The following DNAJC24 variants were observed in gnomAD, a reference collection of about 807,000 sequenced individuals.
The protein encoded by DNAJC24 is dnaJ homolog subfamily C member 24.
In DNAJC24, 17 loss-of-function variants were observed where a neutral mutation model predicts 18.0. The observed-to-expected ratio is 0.94, with a 90% CI of 0.65 to 1.42. DNAJC24 has a LOEUF of 1.42. Among genes scored for constraint, DNAJC24 ranks in the 40% most tolerant of loss-of-function variants. DNAJC24 has a pLI of 0.00. For synonymous variants in DNAJC24, 55 were observed against 57.7 expected (o/e 0.95, Z 0.21); for missense variants, 158 against 175.6 (o/e 0.90, Z 0.57).
intron 2 of DNAJC24, among the ~76,000 whole-genome samples, chr11:31,405,108 T>C (rs1339508673): frequency 1.3e-5 from 2 of 149,656 alleles, no homozygotes; most frequent in Non-Finnish European, 3.0e-5. Flanking sequence ...GTCTCCACTC[T>C]GTTGCTCAGG....
intron 2 of DNAJC24, among the ~76,000 whole-genome samples, chr11:31,376,637 G>C (rs946390960): frequency 6.6e-6 from 1 of 152,144 alleles, no homozygotes; most frequent in Admixed American, 6.5e-5. Context: ...ATTAGTAAGG[G>C]TTATGATCTA....
chr11:31,393,214 T>C (rs563365890), intron 2 of DNAJC24, among the ~76,000 whole-genome samples: 1 of 152,284 alleles, frequency 6.6e-6, no homozygotes, highest in South Asian at 2.1e-4. Context: ...ATAAGCTTCC[T>C]CTTGACTTCA....
At chr11:31,424,187 AGATT>A (rs372516059) in intron 3 of DNAJC24, among the ~76,000 whole-genome samples, 10 of 152,288 alleles carry the variant, frequency 6.6e-5, no homozygotes, top group African/African-American at 2.4e-4. Context: ...TGTTCAAGAT[AGATT>A]AGATTAAGAA....
At position 31,427,392 on chromosome 11, in the gene DNAJC24, G is replaced by A. The variant is rs1471594223; in HGVS notation, c.319+1037G>A. On this transcript the variant is annotated intron_variant, in intron 4 of 4. Coordinates refer to ENST00000465995, the MANE Select transcript of DNAJC24 (RefSeq NM_181706.5). ...ATAATTGGAAAAGTTGAGGTTTTGTGTAACTGGGGCTCTTGGTGGTGACAG... is the reference window on the plus strand; with the variant it reads ...ATAATTGGAAAAGTTGAGGTTTTGTATAACTGGGGCTCTTGGTGGTGACAG... The A allele has an allele frequency of 3.9e-5, 6 of 151,998 alleles. No individual in the cohort carries two copies. In the South Asian group the frequency reaches 1.0e-3, roughly 26 times the overall value. 9.4% of individuals were successfully genotyped at this position (151,998 alleles called of 1,614,324 possible). A position where few individuals can be genotyped will look rare whatever the true frequency, so the allele number is the denominator to read the frequency against.
At chr11:31,407,162 T>C (rs1219687328) in intron 2 of DNAJC24, among the ~76,000 whole-genome samples, 1 of 152,196 alleles carries the variant, frequency 6.6e-6, no homozygotes, top group African/African-American at 2.4e-5. Context: ...TGCTATGTCC[T>C]CAAGTGCCAC....
rs1264302231 is a variant in DNAJC24 at position 31,430,920 on chromosome 11, C to G, written c.*519C>G. ...AAAGTTAATAAAGACAAAGTGGCAACTGTAGAAAGTGTTGCCTCCAATCTT... is the reference window on the plus strand; with the variant it reads ...AAAGTTAATAAAGACAAAGTGGCAAGTGTAGAAAGTGTTGCCTCCAATCTT... On this transcript the variant is annotated 3_prime_UTR_variant, in exon 5 of 5. Transcript: ENST00000465995. The G allele has an allele frequency of 6.6e-6, 1 of 152,546 alleles. No homozygotes were observed. The highest frequency in any genetic ancestry group is 1.5e-5 in the Non-Finnish European group (1 of 68,050). The allele number at this position is 152,546 out of a possible 1,614,324, so 9.4% of individuals were successfully genotyped here. A position where few individuals can be genotyped will look rare whatever the true frequency, so the allele number is the denominator to read the frequency against.
At chr11:31,413,973 A>C (rs1952732774) in intron 2 of DNAJC24, among the ~76,000 whole-genome samples, 1 of 152,210 alleles carries the variant, frequency 6.6e-6, no homozygotes, top group South Asian at 2.1e-4. Flanking sequence ...CATAGAAGAA[A>C]AGGAAGGAAG....
At chr11:31,428,310 A>C (rs1436414080) in intron 4 of DNAJC24, among the ~76,000 whole-genome samples, 1 of 152,202 alleles carries the variant, frequency 6.6e-6, no homozygotes, top group Non-Finnish European at 1.5e-5. Flanking sequence ...TTAGGTTTTC[A>C]TAACTAAAGA....
At chr11:31,391,292 C>T (rs1419646607) in intron 2 of DNAJC24, among the ~76,000 whole-genome samples, 1 of 152,136 alleles carries the variant, frequency 6.6e-6, no homozygotes, top group Admixed American at 6.5e-5. Context: ...AGATCTGGAA[C>T]ATGACAAAGA....
chr11:31,401,594 A>G (rs1311369165), intron 2 of DNAJC24, among the ~76,000 whole-genome samples: 1 of 151,878 alleles, frequency 6.6e-6, no homozygotes, highest in Non-Finnish European at 1.5e-5. Context: ...GCTATCAGGA[A>G]TCTCAGAATC....
chr11:31,429,472 T>C (rs981061563), intron 4 of DNAJC24: 8 of 400,300 alleles, frequency 2.0e-5, no homozygotes, highest in Non-Finnish European at 4.3e-5. Flanking sequence ...TAAGTTATTT[T>C]CCTTTGACAG....
At position 31,414,861 on chromosome 11, in the gene DNAJC24, A is replaced by G; in HGVS notation, c.162A>G (p.Glu54=). ...STDVPAGTVE[E]CVQKFIEIDQ... is the part of the protein sequence containing the mutation. ...ATGTACCAGCAGGAACAGTGGAGGA[A>G]TGTGTACAGAAGTTCATCGAAATTG... The change falls in exon 3 of 5, where the codon GAA becomes GAG. Residue 54 remains glutamate (E), a synonymous_variant. Coordinates refer to ENST00000465995, the MANE Select transcript of DNAJC24 (RefSeq NM_181706.5). 6.2e-7 allele frequency: 1 copy of G among 1,614,032 alleles called. No homozygotes were observed. The highest frequency in any genetic ancestry group is 8.5e-7 in the Non-Finnish European group (1 of 1,179,906).
intron 2 of DNAJC24, among the ~76,000 whole-genome samples, chr11:31,394,443 T>C (rs1415945234): frequency 1.3e-5 from 2 of 152,124 alleles, no homozygotes; most frequent in African/African-American, 2.4e-5. Context: ...AATTTGCAAA[T>C]GTGGAATCCG....
At chr11:31,381,022 G>C (rs1448970674) in intron 2 of DNAJC24, among the ~76,000 whole-genome samples, 1 of 152,108 alleles carries the variant, frequency 6.6e-6, no homozygotes, top group Non-Finnish European at 1.5e-5. Flanking sequence ...AAAATGTTTT[G>C]TAAGAAGTCT....
chr11:31,430,219 G>T, intron 4 of DNAJC24, 52 bp from the exon 5 acceptor site: 2 of 1,522,494 alleles, frequency 1.3e-6, no homozygotes, highest in South Asian at 2.5e-5. Flanking sequence ...AAGGGTATTA[G>T]TGAGGTAGTT....
chr11:31,380,253 G>A (rs1952363375), intron 2 of DNAJC24, among the ~76,000 whole-genome samples: 1 of 152,150 alleles, frequency 6.6e-6, no homozygotes, highest in Non-Finnish European at 1.5e-5. Context: ...ACTAAAGAAA[G>A]AGATTGAGGA....
intron 2 of DNAJC24, among the ~76,000 whole-genome samples, chr11:31,379,862 A>T (rs1210813578): frequency 6.6e-6 from 1 of 151,610 alleles, no homozygotes; most frequent in Non-Finnish European, 1.5e-5. Flanking sequence ...GGTTCAAGCG[A>T]TTCTCCTCCC....
At position 31,391,554 on chromosome 11, in the gene DNAJC24, G is replaced by A. The variant is rs529830048; in HGVS notation, c.111+20695G>A. Among the ~76,000 whole-genome samples, 175 of 152,300 alleles carry A rather than the reference G, an allele frequency of 1.1e-3. 2 individuals are homozygous for A. Among genetic ancestry groups the A allele is most frequent in the African/African-American group, 3.9e-3 (163 of 41,570 alleles). On this transcript the variant is annotated intron_variant, in intron 2 of 4. Coordinates refer to ENST00000465995, the MANE Select transcript of DNAJC24 (RefSeq NM_181706.5). ...GTGAAATAAAAATCAAAACTATGAAGTGATGTCATCCCACCCCAGTTAAAA... is the reference window on the plus strand; with the variant it reads ...GTGAAATAAAAATCAAAACTATGAAATGATGTCATCCCACCCCAGTTAAAA...
At chr11:31,426,235 A>G in intron 3 of DNAJC24, 52 bp from the exon 4 acceptor site, 1 of 1,180,156 alleles carries the variant, frequency 8.5e-7, no homozygotes. Context: ...CTTCAAGGTT[A>G]CAATTAAAGT....
Sources: allele counts gnomAD v4.1 joint callset (sites outside exome capture counted in the v4.1 genomes callset), GRCh38; gene constraint gnomAD v4.1.1; transcripts MANE v1.5; gene names NCBI Gene and HGNC (gene_info 2026-07-23, HGNC 2026-07-21).